ASAP2: variants seen among roughly 807,000 people sequenced by gnomAD.
The protein encoded by ASAP2 is arf-GAP with SH3 domain, ANK repeat and PH domain-containing protein 2.
Under a neutral mutation model 131.4 loss-of-function variants are expected in ASAP2, and 45 were observed. That is an observed-to-expected ratio of 0.34 (90% CI 0.27 to 0.44). ASAP2 has a LOEUF of 0.44. ASAP2 is among the 20% of genes least tolerant of loss of function. The pLI is 1.00. For missense variants in ASAP2, 1,011 were observed against 1,297.0 expected, an observed-to-expected ratio of 0.78 and a Z score of 3.39; for synonymous variants, 510 against 503.0, an observed-to-expected ratio of 1.01 and a Z score of -0.19.
intron 21 of ASAP2, among the ~76,000 whole-genome samples, chr2:9,387,290 T>C (rs1675361079): frequency 6.6e-6 from 1 of 151,960 alleles, no homozygotes; most frequent in African/African-American, 2.4e-5. Context: ...TAGTAAATAT[T>C]TTAAGCTCTA....
Position 9,356,109 on chromosome 2 carries a change from T to C in ASAP2, c.1160+14T>C. On this transcript the variant is annotated intron_variant, in intron 13 of 27. Transcript: ENST00000281419. ...GGAATGTCAAATGTAAGTTACATGGTGGTGGGACTTTGGGCTGGACTCAGC... is the reference window on the plus strand; with the variant it reads ...GGAATGTCAAATGTAAGTTACATGGCGGTGGGACTTTGGGCTGGACTCAGC... The C allele has an allele frequency of 6.2e-7, 1 of 1,614,210 alleles. No homozygotes were observed. Among genetic ancestry groups the C allele is most frequent in the African/African-American group, 1.3e-5 (1 of 75,054 alleles).
chr2:9,243,710 A>G (rs186258429), intron 1 of ASAP2, among the ~76,000 whole-genome samples: 1 of 152,312 alleles, frequency 6.6e-6, no homozygotes, highest in East Asian at 1.9e-4. Flanking sequence ...ATGTATAACC[A>G]GGGCATTCTG....
Position 9,251,057 on chromosome 2 carries a change from G to A in ASAP2, c.127-28260G>A, listed in dbSNP as rs1572253619. On this transcript the variant is annotated intron_variant, in intron 1 of 27. Transcript: ENST00000281419. ...GTCTGTAGAGTTTGAATTGGAGACA[G>A]ATTAGAGGTGAGAAAACACACTGAG... 3.9e-5 allele frequency among the ~76,000 whole-genome samples: 6 copies of A among 152,360 alleles called. No individual in the cohort carries two copies. The East Asian group carries it at 1.2e-3, about 29-fold the overall frequency.
chr2:9,294,084 C>T (rs556224568), intron 2 of ASAP2, among the ~76,000 whole-genome samples: 8 of 151,756 alleles, frequency 5.3e-5, no homozygotes, highest in South Asian at 4.2e-4. Flanking sequence ...CTGCAACCTC[C>T]GCTTTCTAGG....
At chr2:9,328,790 A>C (rs1670640176) in intron 7 of ASAP2, among the ~76,000 whole-genome samples, 1 of 152,224 alleles carries the variant, frequency 6.6e-6, no homozygotes, top group African/African-American at 2.4e-5. Flanking sequence ...CGAGAGACAC[A>C]GTGATGTACA....
intron 1 of ASAP2, among the ~76,000 whole-genome samples, chr2:9,235,110 T>C (rs1663452805): frequency 6.6e-6 from 1 of 152,164 alleles, no homozygotes; most frequent in Admixed American, 6.5e-5. Flanking sequence ...GCCCGACATA[T>C]GCCAACTGGA....
At chr2:9,367,536 G>A (rs773921603) in intron 15 of ASAP2, among the ~76,000 whole-genome samples, 16 of 152,094 alleles carry the variant, frequency 1.1e-4, no homozygotes, top group Admixed American at 2.0e-4. Flanking sequence ...TGAGGTGGCC[G>A]GATTGCATGA....
intron 15 of ASAP2, among the ~76,000 whole-genome samples, chr2:9,362,550 T>C (rs1673172626): frequency 1.3e-5 from 2 of 152,164 alleles, no homozygotes; most frequent in South Asian, 4.1e-4. Flanking sequence ...TAAAATCTAC[T>C]CTCTTGAGCC....
Position 9,286,630 on chromosome 2 carries a change from A to C in ASAP2, c.199+7241A>C, listed in dbSNP as rs139193419. On this transcript the variant is annotated intron_variant, in intron 2 of 27. Transcript: ENST00000281419. The stretch of plus-strand genomic sequence containing the variant: ...GGTGGTACACATCAAGAAAAATAAC[A>C]ATCTTTTTGTGGAAGGAGATCCATG... Among the ~76,000 whole-genome samples the C allele has an allele frequency of 3.3e-5, 5 of 152,226 alleles. No homozygotes were observed. The East Asian group carries it at 9.6e-4, about 29-fold the overall frequency.
chr2:9,373,421 C>CCT (rs1674140373), intron 16 of ASAP2, among the ~76,000 whole-genome samples: 1 of 152,218 alleles, frequency 6.6e-6, no homozygotes, highest in South Asian at 2.1e-4. Context: ...TGGCAAGAGA[C>CCT]CTCTGCCCAC....
At chr2:9,313,596 G>A (rs1669457925) in intron 3 of ASAP2, among the ~76,000 whole-genome samples, 1 of 152,216 alleles carries the variant, frequency 6.6e-6, no homozygotes, top group South Asian at 2.1e-4. Context: ...AATCCTCCCT[G>A]TAGGCTGCCT....
At chr2:9,270,928 G>A (rs1166192553) in intron 1 of ASAP2, among the ~76,000 whole-genome samples, 3 of 151,058 alleles carry the variant, frequency 2.0e-5, no homozygotes, top group Middle Eastern at 3.2e-3. Flanking sequence ...GAGTAGCTGG[G>A]ACTACAGGTG....
chr2:9,390,206 C>A (rs1675613474), intron 22 of ASAP2, among the ~76,000 whole-genome samples: 1 of 152,216 alleles, frequency 6.6e-6, no homozygotes, highest in Non-Finnish European at 1.5e-5. Context: ...GCCATCTCCA[C>A]CATTCTCTGT....
At chr2:9,276,615 G>A (rs2148292575) in intron 1 of ASAP2, among the ~76,000 whole-genome samples, 1 of 151,982 alleles carries the variant, frequency 6.6e-6, no homozygotes, top group African/African-American at 2.4e-5. Flanking sequence ...TTGGCTCACT[G>A]CAACCTCCAC....
chr2:9,356,355 G>T lies in ASAP2; in HGVS notation c.1327+10G>T. ...GACTGTGGGGCGCCAGGTGACCCAG[G>T]GACCCCACCCGACCCTGGGCTCTAG... On this transcript the variant is annotated intron_variant, in intron 14 of 27. Coordinates refer to ENST00000281419, the MANE Select transcript of ASAP2 (RefSeq NM_003887.3). 1 of 1,575,146 alleles carries T rather than the reference G, an allele frequency of 6.3e-7. No homozygotes were observed. Among genetic ancestry groups the T allele is most frequent in the Non-Finnish European group, 8.6e-7 (1 of 1,161,516 alleles).
intron 1 of ASAP2, among the ~76,000 whole-genome samples, chr2:9,212,607 C>T (rs1386108283): frequency 3.9e-5 from 6 of 152,156 alleles, no homozygotes; most frequent in African/African-American, 9.7e-5. Flanking sequence ...CAATTCTTCC[C>T]ATGCACCCCA....
At chr2:9,238,982 C>T (rs976900000) in intron 1 of ASAP2, among the ~76,000 whole-genome samples, 1 of 152,214 alleles carries the variant, frequency 6.6e-6, no homozygotes, top group African/African-American at 2.4e-5. Context: ...CTCCCGCAGC[C>T]TGGAGGGGTA....
intron 2 of ASAP2, among the ~76,000 whole-genome samples, chr2:9,283,709 T>G (rs1345656063): frequency 1.3e-5 from 2 of 152,218 alleles, no homozygotes; most frequent in Non-Finnish European, 2.9e-5. Flanking sequence ...GGCTGGGAAG[T>G]CCAAGATCAG....
chr2:9,380,860 G>A (rs377496975), intron 20 of ASAP2, 52 bp downstream of exon 20: 3 of 1,560,180 alleles, frequency 1.9e-6, no homozygotes, highest in Non-Finnish European at 8.8e-7. Context: ...GGGACAGGGA[G>A]CCAAGCCTGT....
Sources: gnomAD v4.1 joint callset for allele counts (sites outside exome capture counted in the v4.1 genomes callset) on GRCh38, gnomAD v4.1.1 for gene constraint, MANE v1.5 for transcripts, NCBI Gene and HGNC (gene_info 2026-07-23, HGNC 2026-07-21) for gene names.